The following KIF6 variants were observed in gnomAD, a reference collection of about 807,000 sequenced individuals.
KIF6 encodes the protein kinesin-like protein KIF6.
In KIF6, 106 loss-of-function variants were observed where a neutral mutation model predicts 112.7. That is an observed-to-expected ratio of 0.94 (90% CI 0.80 to 1.11). KIF6 has a LOEUF of 1.11. Among genes scored for constraint, KIF6 ranks in the 50% least tolerant of loss-of-function variants. The pLI is 0.00. For missense variants in KIF6, 929 were observed against 964.0 expected (o/e 0.96, Z 0.48); for synonymous variants, 339 against 339.9 (o/e 1.00, Z 0.03).
intron 13 of KIF6, among the ~76,000 whole-genome samples, chr6:39,524,045 C>T (rs578095800): frequency 6.6e-6 from 1 of 152,046 alleles, no homozygotes; most frequent in South Asian, 2.1e-4. Context: ...TAGAATAGCA[C>T]AGTACTTCAT....
chr6:39,354,977 A>G (rs749282496), intron 19 of KIF6, among the ~76,000 whole-genome samples: 7 of 152,154 alleles, frequency 4.6e-5, no homozygotes, highest in Middle Eastern at 3.2e-3. Flanking sequence ...AAGAAATTCA[A>G]GACCAGCCTG....
In KIF6 at chr6:39,469,536, C is replaced by CA. The variant is rs900358783; in HGVS notation, c.1646-38376dup. On this transcript the variant is annotated intron_variant, in intron 13 of 22. Coordinates refer to ENST00000287152, the MANE Select transcript of KIF6 (RefSeq NM_145027.6). ...TTATTAGACAAAGTAGACTTTAAAA[C>CA]AAAAAAAAATGTTACTAGAGATGGA... 1.4e-3 allele frequency among the ~76,000 whole-genome samples: 215 copies of CA among 150,550 alleles called. 1 individual carries two copies. Among genetic ancestry groups the CA allele is most frequent in the African/African-American group, 4.6e-3 (188 of 41,140 alleles).
intron 19 of KIF6, among the ~76,000 whole-genome samples, chr6:39,356,905 G>C (rs73735507): frequency 6.6e-6 from 1 of 152,082 alleles, no homozygotes; most frequent in African/African-American, 2.4e-5. Flanking sequence ...CTCAGTAGGC[G>C]GGCTACCCAC....
rs531860718 is a variant in KIF6, at chr6:39,402,572, T to G, written c.1811-16900A>C. Among the ~76,000 whole-genome samples the G allele has an allele frequency of 1.2e-4, 18 of 152,296 alleles. No individual in the cohort carries two copies. The East Asian group carries it at 2.9e-3, about 25-fold the overall frequency. On this transcript the variant is annotated intron_variant, in intron 15 of 22. Transcript: ENST00000287152. ...CTGGCTTGGCCATAGAAGGGAAAAT[T>G]GCACTGCAAATGATTATCTCTGATG...
chr6:39,540,020 A>T lies in KIF6; in HGVS notation c.1628T>A (p.Leu543Ter). Residue 543 changes from leucine to a stop codon, truncating the protein, a stop_gained, in exon 13 of 23, where the codon TTG becomes TAG. Transcript: ENST00000287152. LOFTEE classifies it high-confidence loss of function. ...CAACTGACCTATTTTCTTGTGGAGC[A>T]AACTGGATCTTTTCCCCAAAATGCT... ...DFSILGKRSSLLHKKIGMREE... is the reference protein window; with the variant it reads ...DFSILGKRSS The T allele has an allele frequency of 6.2e-7, 1 of 1,605,538 alleles. No homozygotes were observed. The highest frequency in any genetic ancestry group is 1.7e-5 in the Admixed American group (1 of 57,938).
chr6:39,542,430 A>G (rs1778837251), intron 12 of KIF6, among the ~76,000 whole-genome samples: 1 of 152,214 alleles, frequency 6.6e-6, no homozygotes, highest in South Asian at 2.1e-4. Context: ...CTTTCCAAGA[A>G]GATCTGATGT....
intron 16 of KIF6, among the ~76,000 whole-genome samples, chr6:39,375,572 C>T (rs187706086): frequency 6.6e-6 from 1 of 152,140 alleles, no homozygotes; most frequent in African/African-American, 2.4e-5. Context: ...GCTGGGACAT[C>T]GATCTCCTGC....
At chr6:39,394,010 G>A (rs1284593034) in intron 15 of KIF6, among the ~76,000 whole-genome samples, 1 of 152,134 alleles carries the variant, frequency 6.6e-6, no homozygotes, top group Non-Finnish European at 1.5e-5. Flanking sequence ...GTAAATAACT[G>A]TGTGTTTGTG....
chr6:39,628,394 G>A (rs1309974286), intron 5 of KIF6, among the ~76,000 whole-genome samples: 1 of 152,102 alleles, frequency 6.6e-6, no homozygotes, highest in Non-Finnish European at 1.5e-5. Context: ...GTGTGTGTCT[G>A]TGTGTGCATT....
chr6:39,337,466 C>T (rs537556473), intron 22 of KIF6, among the ~76,000 whole-genome samples: 2 of 151,726 alleles, frequency 1.3e-5, no homozygotes, highest in Non-Finnish European at 2.9e-5. Context: ...GCACCCACCA[C>T]CACGTCTGGC....
chr6:39,568,960 C>G (rs558545530), intron 10 of KIF6, among the ~76,000 whole-genome samples: 1 of 152,146 alleles, frequency 6.6e-6, no homozygotes. Flanking sequence ...CTCTCTCTCT[C>G]TCTCTCTGTC....
chr6:39,628,378 T>C (rs1784194306), intron 5 of KIF6, among the ~76,000 whole-genome samples: 2 of 152,086 alleles, frequency 1.3e-5, no homozygotes, highest in Admixed American at 1.3e-4. Context: ...TTGCTTATGT[T>C]CCCTTGTGTG....
chr6:39,357,220 G>A (rs1332854414), intron 19 of KIF6, 57 bp downstream of exon 19: 1 of 1,070,044 alleles, frequency 9.3e-7, no homozygotes, highest in Non-Finnish European at 1.4e-6. Flanking sequence ...AGGTTAAACA[G>A]AAAGGTAGGG....
intron 6 of KIF6, among the ~76,000 whole-genome samples, chr6:39,597,610 C>CA (rs1211287234): frequency 6.6e-6 from 1 of 152,068 alleles, no homozygotes; most frequent in Non-Finnish European, 1.5e-5. Context: ...ACAATGCACA[C>CA]AAAGAAATTC....
chr6:39,535,581 T>C (rs943041942), intron 13 of KIF6, among the ~76,000 whole-genome samples: 26 of 152,110 alleles, frequency 1.7e-4, no homozygotes, highest in African/African-American at 5.6e-4. Flanking sequence ...GAGTGACCTA[T>C]AAAGAGACTT....
intron 13 of KIF6, among the ~76,000 whole-genome samples, chr6:39,473,185 CAA>C (rs911082643): frequency 1.4e-5 from 2 of 147,494 alleles, no homozygotes; most frequent in Non-Finnish European, 3.0e-5. Flanking sequence ...AGCACCCGGT[CAA>C]AAAAAAAGGT....
Position 39,357,877 on chromosome 6 carries a change from AG to A in KIF6, c.2083-504del, listed in dbSNP as rs547629687. On this transcript the variant is annotated intron_variant, in intron 18 of 22. Transcript: ENST00000287152. Reference sequence around the variant, plus strand: ...TCAACATATTGTCTAGGGATGGTAAAGAATTATGGGTAATGTTTAATTTATT... The same window carrying A: ...TCAACATATTGTCTAGGGATGGTAAAAATTATGGGTAATGTTTAATTTATT... Among the ~76,000 whole-genome samples, 691 of 152,364 alleles carry A rather than the reference AG, an allele frequency of 4.5e-3. 4 individuals are homozygous for A. Among genetic ancestry groups the A allele is most frequent in the African/African-American group, 0.015 (608 of 41,590 alleles).
intron 15 of KIF6, among the ~76,000 whole-genome samples, chr6:39,407,605 C>A (rs1581784419): frequency 6.6e-6 from 1 of 152,202 alleles, no homozygotes; most frequent in East Asian, 1.9e-4. Flanking sequence ...AATATTCATG[C>A]ATCATTGGTA....
intron 9 of KIF6, among the ~76,000 whole-genome samples, chr6:39,578,845 A>C (rs868317795): frequency 6.6e-6 from 1 of 152,296 alleles, no homozygotes; most frequent in Middle Eastern, 3.4e-3. Flanking sequence ...TAAATGTTAC[A>C]TTACTGCATG....
Sources: allele counts gnomAD v4.1 joint callset (sites outside exome capture counted in the v4.1 genomes callset), GRCh38; gene constraint gnomAD v4.1.1; transcripts MANE v1.5; gene names NCBI Gene and HGNC (gene_info 2026-07-23, HGNC 2026-07-21).